The following FAAH2 variants were observed in gnomAD, a reference collection of about 807,000 sequenced individuals.
FAAH2 encodes the protein fatty acid amide hydrolase 2, also known as fatty-acid amide hydrolase 2.
In FAAH2, 60 loss-of-function variants were observed where a neutral mutation model predicts 36.9. That is an observed-to-expected ratio of 1.63 (90% CI 1.32 to 2.02). The LOEUF is 2.02. FAAH2 is among the 30% of genes most tolerant of loss of function. The pLI is 0.00. For missense variants in FAAH2, 689 were observed against 397.5 expected (o/e 1.73, Z -6.23); for synonymous variants, 214 against 143.8 (o/e 1.49, Z -3.49).
the FAAH2 span, among the ~76,000 whole-genome samples, chrX:57,175,883 G>A: frequency 5.4e-5 from 6 of 111,885 alleles, no homozygotes; most frequent in Admixed American, 9.5e-5. Flanking sequence ...TGTTTAAGAA[G>A]GCTAAAGATA....
the FAAH2 span, among the ~76,000 whole-genome samples, chrX:57,176,728 A>G: frequency 9.0e-6 from 1 of 111,134 alleles, no homozygotes; most frequent in African/African-American, 3.3e-5. Context: ...TTTTGCATTT[A>G]TTTTTTATTC....
chrX:57,156,645 C>G, the FAAH2 span, among the ~76,000 whole-genome samples: 1 of 112,265 alleles, frequency 8.9e-6, no homozygotes, highest in Non-Finnish European at 1.9e-5. Flanking sequence ...TTGCATTCTC[C>G]TAGATACACA....
chrX:57,336,976 A>AAT (rs1555974834), intron 4 of FAAH2, among the ~76,000 whole-genome samples: 151 of 108,361 alleles, frequency 1.4e-3, no homozygotes, highest in Non-Finnish European at 1.8e-3. Context: ...TTGAAAAAAA[A>AAT]AATAAATAAA....
chrX:57,348,805 A>T (rs1228022215), intron 5 of FAAH2, among the ~76,000 whole-genome samples: 3 of 110,290 alleles, frequency 2.7e-5, no homozygotes, highest in Admixed American at 9.8e-5. Flanking sequence ...TAAGGAAAGT[A>T]AATTTAAAAA....
chrX:57,434,076 T>C (rs1264292549), intron 8 of FAAH2, among the ~76,000 whole-genome samples: 1 of 108,412 alleles, frequency 9.2e-6, no homozygotes, highest in African/African-American at 3.4e-5. Context: ...TTAATGAAAT[T>C]AAATTGATTT....
chrX:57,470,070 C>T (rs1419885416), intron 10 of FAAH2, among the ~76,000 whole-genome samples: 1 of 111,445 alleles, frequency 9.0e-6, no homozygotes, highest in Non-Finnish European at 1.9e-5. Context: ...AGACACAAAA[C>T]ACCAGAATCT....
intron 7 of FAAH2, chrX:57,392,577 C>T (rs934479623): frequency 4.4e-5 from 36 of 819,616 alleles, no homozygotes; most frequent in Non-Finnish European, 6.5e-5. Flanking sequence ...TCCTAACTCC[C>T]AGTGGGCCTG....
At position 57,489,082 on chromosome X, in the gene FAAH2, C is replaced by T; in HGVS notation, c.*150C>T. 1.7e-6 allele frequency: 1 copy of T among 577,100 alleles called. No individual in the cohort carries two copies. The highest frequency in any genetic ancestry group is 5.3e-5 in the South Asian group (1 of 18,970). 47.6% of individuals were successfully genotyped at this position (577,100 alleles called of 1,213,427 possible). On this transcript the variant is annotated 3_prime_UTR_variant, in exon 11 of 11. Coordinates refer to ENST00000374900, the MANE Select transcript of FAAH2 (RefSeq NM_174912.4). ...TTAGTTATTCTTTCTACTTTTATTT[C>T]CTTCTCTAACTGTTGGTCTTACTAA...
chrX:57,304,236 C>CA (rs1324173351), intron 2 of FAAH2, among the ~76,000 whole-genome samples: 1 of 111,735 alleles, frequency 8.9e-6, no homozygotes, highest in Non-Finnish European at 1.9e-5. Flanking sequence ...ACAAAACAAA[C>CA]AAACAAAATA....
In FAAH2 at chrX:57,341,523, G is replaced by C. The variant is rs1014408835; in HGVS notation, c.742+133G>C. The C allele has an allele frequency of 6.4e-6, 5 of 777,216 alleles. No homozygotes were observed. In the African/African-American group the frequency reaches 6.5e-5, roughly 10 times the overall value. The allele number at this position is 777,216 out of a possible 1,213,427, so 64.1% of individuals were successfully genotyped here. A position where few individuals can be genotyped will look rare whatever the true frequency, so the allele number is the denominator to read the frequency against. On this transcript the variant is annotated intron_variant, in intron 5 of 10. Transcript: ENST00000374900. The stretch of plus-strand genomic sequence containing the variant: ...TTCTCAATGTTCTTAAATAAAACTA[G>C]CTACTGTTTATTGAGCACCAACTCT...
chrX:57,480,300 A>G lies in FAAH2; in HGVS notation c.1424-8457A>G, dbSNP rs1308283177. On this transcript the variant is annotated intron_variant, in intron 10 of 10. Coordinates refer to ENST00000374900, the MANE Select transcript of FAAH2 (RefSeq NM_174912.4). ...ATCTTGATACCAAAGCCGGGCAAAG[A>G]CACAACCAAAAAATAGAATTTTAGA... Among the ~76,000 whole-genome samples, 4 of 111,849 alleles carry G rather than the reference A, an allele frequency of 3.6e-5. No individual in the cohort carries two copies. In the East Asian group the frequency reaches 1.1e-3, roughly 31 times the overall value.
At chrX:57,292,417 A>G in intron 1 of FAAH2, 81 bp from the exon 2 acceptor site, 5 of 881,161 alleles carry the variant, frequency 5.7e-6, no homozygotes, top group Non-Finnish European at 8.2e-6. Context: ...ATTAATGTAC[A>G]TAGGAGTCTT....
chrX:57,474,201 T>TG (rs2057221899), intron 10 of FAAH2, among the ~76,000 whole-genome samples: 1 of 111,839 alleles, frequency 8.9e-6, no homozygotes. Flanking sequence ...GTGATTTTTT[T>TG]AAAATTTTAC....
chrX:57,485,611 A>T (rs1406020192), intron 10 of FAAH2, among the ~76,000 whole-genome samples: 2 of 111,836 alleles, frequency 1.8e-5, no homozygotes, highest in African/African-American at 6.5e-5. Flanking sequence ...CATAATTCTC[A>T]GACCTTCTTC....
At chrX:57,210,994 G>C in the FAAH2 span, among the ~76,000 whole-genome samples, 1 of 111,789 alleles carries the variant, frequency 8.9e-6, no homozygotes, top group East Asian at 2.8e-4. Context: ...ACAGTTCCCT[G>C]TATAATAGTC....
the FAAH2 span, among the ~76,000 whole-genome samples, chrX:57,258,334 A>T: frequency 9.0e-6 from 1 of 111,728 alleles, no homozygotes; most frequent in Non-Finnish European, 1.9e-5. Flanking sequence ...TGAAACCATA[A>T]ATCTTAGAGA....
the FAAH2 span, among the ~76,000 whole-genome samples, chrX:57,234,833 G>A: frequency 8.9e-6 from 1 of 111,775 alleles, no homozygotes; most frequent in Admixed American, 9.5e-5. Flanking sequence ...GATCACTTGA[G>A]GTCTGGAGTT....
the FAAH2 span, among the ~76,000 whole-genome samples, chrX:57,237,695 A>G: frequency 9.0e-6 from 1 of 111,446 alleles, no homozygotes; most frequent in Admixed American, 9.5e-5. Context: ...AAAACCTATC[A>G]ACCAAGTAAA....
intron 5 of FAAH2, among the ~76,000 whole-genome samples, chrX:57,378,111 T>TA (rs1397445667): frequency 8.9e-6 from 1 of 111,970 alleles, no homozygotes; most frequent in Non-Finnish European, 1.9e-5. Flanking sequence ...CCATCTGGCA[T>TA]ATTAATTGTG....
Sources: allele counts gnomAD v4.1 joint callset (sites outside exome capture counted in the v4.1 genomes callset), GRCh38; gene constraint gnomAD v4.1.1; transcripts MANE v1.5; gene names NCBI Gene and HGNC (gene_info 2026-07-23, HGNC 2026-07-21).